Variants in GDPD4 observed in about 807,000 individuals in gnomAD.
GDPD4 encodes the protein glycerophosphodiester phosphodiesterase 6.
Under a neutral mutation model 67.8 loss-of-function variants are expected in GDPD4, and 60 were observed. The ratio of observed to expected loss-of-function variants is 0.88; its 90% CI spans 0.72 to 1.10. The LOEUF (loss-of-function observed/expected upper bound fraction) is 1.10. Ranked by LOEUF, GDPD4 falls within the 50% of genes least tolerant of loss-of-function variation. The pLI, the probability that GDPD4 is intolerant of heterozygous loss-of-function variation, is 0.00. For missense variants in GDPD4, 623 were observed against 613.9 expected, an observed-to-expected ratio of 1.01 and a Z score of -0.16; for synonymous variants, 212 against 210.9, an observed-to-expected ratio of 1.00 and a Z score of -0.04.
chr11:77,247,551 T>C (rs1453736287), intron 11 of GDPD4, among the ~76,000 whole-genome samples: 1 of 152,204 alleles, frequency 6.6e-6, no homozygotes, highest in African/African-American at 2.4e-5. Flanking sequence ...CTGTTTAGAC[T>C]ATATTCAACA....
intron 1 of GDPD4, among the ~76,000 whole-genome samples, chr11:77,295,649 C>G (rs970464789): frequency 2.6e-5 from 4 of 152,164 alleles, no homozygotes; most frequent in Admixed American, 6.5e-5. Context: ...TAAATAAAAC[C>G]TAAAGCTATA....
intron 13 of GDPD4, among the ~76,000 whole-genome samples, chr11:77,237,197 T>C (rs1958584558): frequency 6.6e-6 from 1 of 152,156 alleles, no homozygotes; most frequent in African/African-American, 2.4e-5. Context: ...GCCTCATCTA[T>C]TACTCTGGGC....
chr11:77,226,395 G>A (rs1369927845), intron 16 of GDPD4, among the ~76,000 whole-genome samples: 1 of 152,214 alleles, frequency 6.6e-6, no homozygotes, highest in Admixed American at 6.5e-5. Context: ...CAACAGGACT[G>A]GTGCCCTTAT....
At position 77,229,225 on chromosome 11, in the gene GDPD4, T is replaced by G. The variant is rs1207613176; in HGVS notation, c.1397A>C (p.Lys466Thr). The G allele has an allele frequency of 6.3e-7, 1 of 1,596,826 alleles. No homozygotes were observed. The change falls in exon 15 of 17, where the codon AAG becomes ACG. Residue 466 changes from lysine (K) to threonine (T), a missense_variant. Coordinates refer to ENST00000315938, the MANE Select transcript of GDPD4 (RefSeq NM_182833.3). The part of the protein sequence containing the change: ...LDHPHFFMTP[K>T]FYVFMWLLAD... ...AAGGAGCCACATGAACACATAGAAC[T>G]TTGGTGTCTGAAAAACATAAACCAC...
In GDPD4 at chr11:77,251,433, T is replaced by G. The variant is rs564497439; in HGVS notation, c.865-5931A>C. Among the ~76,000 whole-genome samples the G allele has an allele frequency of 6.9e-4, 105 of 152,330 alleles. 2 individuals are homozygous for G. The South Asian group carries it at 0.022, about 31-fold the overall frequency. On this transcript the variant is annotated intron_variant, in intron 11 of 16. Coordinates refer to ENST00000315938, the MANE Select transcript of GDPD4 (RefSeq NM_182833.3). ...CGGTTTTGCATTCCCCAGTTTTTGC[T>G]TGTCTGGGAAAGACTTCCTCCCTCA...
chr11:77,300,627 A>T (rs1938128826), intron 1 of GDPD4, among the ~76,000 whole-genome samples: 1 of 152,214 alleles, frequency 6.6e-6, no homozygotes, highest in Non-Finnish European at 1.5e-5. Flanking sequence ...AGAACACTGT[A>T]CTCAACAAAT....
At chr11:77,251,789 C>CTAT (rs981778464) in intron 11 of GDPD4, among the ~76,000 whole-genome samples, 3 of 152,184 alleles carry the variant, frequency 2.0e-5, no homozygotes, top group African/African-American at 7.2e-5. Flanking sequence ...AATAGTGTTT[C>CTAT]TATGGCTTTC....
intron 5 of GDPD4, among the ~76,000 whole-genome samples, chr11:77,272,064 C>T (rs1255920326): frequency 6.6e-6 from 1 of 152,194 alleles, no homozygotes; most frequent in Non-Finnish European, 1.5e-5. Context: ...ATCCGTGCTG[C>T]CCTCTAGACA....
intron 14 of GDPD4, among the ~76,000 whole-genome samples, chr11:77,231,468 C>A (rs1374161297): frequency 6.6e-6 from 1 of 152,184 alleles, no homozygotes; most frequent in African/African-American, 2.4e-5. Flanking sequence ...ACCAGCCTCA[C>A]CTCCCTGAAT....
intron 15 of GDPD4, 114 bp from the exon 16 acceptor site, chr11:77,228,030 T>A (rs1958377138): frequency 3.8e-6 from 3 of 780,220 alleles, no homozygotes; most frequent in Non-Finnish European, 6.8e-6. Context: ...TACAATCCTA[T>A]AGCATTTGCC....
At chr11:77,260,624 T>A (rs559706889) in intron 10 of GDPD4, among the ~76,000 whole-genome samples, 1 of 151,986 alleles carries the variant, frequency 6.6e-6, no homozygotes, top group Admixed American at 6.6e-5. Flanking sequence ...ACAGAATTCA[T>A]AGACAAGGGT....
intron 16 of GDPD4, among the ~76,000 whole-genome samples, chr11:77,223,643 C>T (rs911355099): frequency 1.3e-5 from 2 of 152,158 alleles, no homozygotes; most frequent in African/African-American, 4.8e-5. Flanking sequence ...TTAGGATACA[C>T]GGGGGTCAGG....
At chr11:77,294,508 TTCTAA>T (rs906465319) in intron 1 of GDPD4, among the ~76,000 whole-genome samples, 20 of 152,128 alleles carry the variant, frequency 1.3e-4, no homozygotes, top group Non-Finnish European at 1.5e-5. Context: ...ATACTGAGTC[TTCTAA>T]TCTAAGTACC....
chr11:77,276,103 G>GCCTGGTCTAAGGTTCAGT, intron 5 of GDPD4, 58 bp downstream of exon 5: 1 of 1,243,004 alleles, frequency 8.0e-7, no homozygotes, highest in South Asian at 1.2e-5. Context: ...GCATGTTCAG[G>GCCTGGTCTAAGGTTCAGT]CCTGGTCTAA....
Position 77,230,765 on chromosome 11 carries a change from C to A in GDPD4, c.1390-1533G>T, listed in dbSNP as rs149899690. Reference sequence around the variant, plus strand: ...TTCCAAACCTATATGCAGGCCCCTACACAACGTGACTTAGCTGTGCCTCCC... The same window carrying A: ...TTCCAAACCTATATGCAGGCCCCTAAACAACGTGACTTAGCTGTGCCTCCC... On this transcript the variant is annotated intron_variant, in intron 14 of 16. Transcript: ENST00000315938. Among the ~76,000 whole-genome samples, 29 of 152,312 alleles carry A rather than the reference C, an allele frequency of 1.9e-4. 1 individual carries two copies. The highest frequency in any genetic ancestry group is 7.0e-4 in the African/African-American group (29 of 41,566).
intron 5 of GDPD4, among the ~76,000 whole-genome samples, chr11:77,272,077 AC>A (rs766080755): frequency 2.0e-5 from 3 of 152,224 alleles, no homozygotes; most frequent in Non-Finnish European, 4.4e-5. Flanking sequence ...TCTAGACAGT[AC>A]TTAGCTCTCC....
At chr11:77,224,255 A>C (rs539905598) in intron 16 of GDPD4, 4 of 152,384 alleles carry the variant, frequency 2.6e-5, no homozygotes, top group African/African-American at 4.8e-5. Flanking sequence ...GGAAATGCAG[A>C]AATCACCCGT....
rs1958361870 is a variant in GDPD4 at position 77,227,334 on chromosome 11, C to T, written c.1525+530G>A. 2.0e-5 allele frequency among the ~76,000 whole-genome samples: 3 copies of T among 152,354 alleles called. No individual in the cohort carries two copies. In the South Asian group the frequency reaches 6.2e-4, roughly 32 times the overall value. ...GCAATTCCAGGACCGCTGAAGTTTT[C>T]TTCCTCTAGCCTCCAACATATATCA... On this transcript the variant is annotated intron_variant, in intron 16 of 16. Transcript: ENST00000315938.
At chr11:77,264,516 G>C (rs1378989455) in intron 10 of GDPD4, among the ~76,000 whole-genome samples, 1 of 152,090 alleles carries the variant, frequency 6.6e-6, no homozygotes, top group Non-Finnish European at 1.5e-5. Flanking sequence ...AAAATCAGGA[G>C]AGTATGGTAT....
Sources: gnomAD v4.1 joint callset for allele counts (sites outside exome capture counted in the v4.1 genomes callset) on GRCh38, gnomAD v4.1.1 for gene constraint, MANE v1.5 for transcripts, NCBI Gene and HGNC (gene_info 2026-07-23, HGNC 2026-07-21) for gene names.